PARD3: variants seen among roughly 807,000 people sequenced by gnomAD.
PARD3 encodes the protein par-3 family cell polarity regulator, also known as partitioning defective 3 homolog.
A neutral mutation model predicts 155.4 loss-of-function variants in PARD3; 75 were observed. The ratio of observed to expected loss-of-function variants is 0.48; its 90% CI spans 0.40 to 0.58. PARD3 has a LOEUF of 0.58. PARD3 is among the 20% of genes least tolerant of loss of function. The probability of loss-of-function intolerance (pLI) is 0.00; values close to 1 mark genes in which losing one functional copy is unlikely to be tolerated. For missense variants in PARD3, 1,642 were observed against 1,721.7 expected (o/e 0.95, Z 0.82); for synonymous variants, 576 against 610.5 (o/e 0.94, Z 0.83).
chr10:34,111,188 C>G lies in PARD3; in HGVS notation c.4043G>C (p.Gly1348Ala), dbSNP rs766738242. Residue 1348 changes from glycine (G) to alanine (A), a missense_variant, in exon 25 of 25, where the codon GGG (glycine) becomes GCG (alanine). Transcript: ENST00000374788. ...RLNRLQTPEK[G>A]RPFYS ...GCGTGCTCAGGAATAGAAGGGCCTCCCTTTCTCAGGAGTCTGAAGTCTGTT... is the reference window on the plus strand; with the variant it reads ...GCGTGCTCAGGAATAGAAGGGCCTCGCTTTCTCAGGAGTCTGAAGTCTGTT... The G allele has an allele frequency of 6.4e-7, 1 of 1,557,580 alleles. No homozygotes were observed. Among genetic ancestry groups the G allele is most frequent in the African/African-American group, 1.4e-5 (1 of 72,632 alleles).
chr10:34,770,379 G>A (rs889020258), intron 1 of PARD3, among the ~76,000 whole-genome samples: 1 of 152,126 alleles, frequency 6.6e-6, no homozygotes, highest in Non-Finnish European at 1.5e-5. Flanking sequence ...GACACCTCGA[G>A]CCCTCGGCTA....
chr10:34,215,783 T>A (rs12265365), intron 22 of PARD3, among the ~76,000 whole-genome samples: 1 of 152,198 alleles, frequency 6.6e-6, no homozygotes, highest in African/African-American at 2.4e-5. Context: ...AAATGAGTGC[T>A]TAGCAAAGAA....
intron 22 of PARD3, among the ~76,000 whole-genome samples, chr10:34,187,651 C>T (rs1015609464): frequency 1.3e-5 from 2 of 152,158 alleles, no homozygotes; most frequent in African/African-American, 4.8e-5. Flanking sequence ...ACACCTTAAC[C>T]TCCTTTCTGT....
chr10:34,459,881 C>G (rs12264066), intron 4 of PARD3, among the ~76,000 whole-genome samples: 1 of 152,090 alleles, frequency 6.6e-6, no homozygotes, highest in Non-Finnish European at 1.5e-5. Flanking sequence ...TGGATGGATG[C>G]GTAGAAGAAT....
chr10:34,218,617 A>C (rs1952123550), intron 22 of PARD3, among the ~76,000 whole-genome samples: 1 of 152,198 alleles, frequency 6.6e-6, no homozygotes. Flanking sequence ...GAGAAAAACA[A>C]ATTTTTTTTT....
At chr10:34,801,519 T>C (rs1169925201) in intron 1 of PARD3, among the ~76,000 whole-genome samples, 1 of 152,182 alleles carries the variant, frequency 6.6e-6, no homozygotes, top group Admixed American at 6.5e-5. Flanking sequence ...TCTGACTTCA[T>C]CGCACTGCCT....
At chr10:34,243,005 T>G (rs1056741605) in intron 22 of PARD3, among the ~76,000 whole-genome samples, 2 of 152,146 alleles carry the variant, frequency 1.3e-5, no homozygotes, top group Admixed American at 1.3e-4. Flanking sequence ...AAACAGAAAA[T>G]CCATTTGCAT....
At chr10:34,735,259 G>A (rs896104188) in intron 1 of PARD3, among the ~76,000 whole-genome samples, 48 of 152,232 alleles carry the variant, frequency 3.2e-4, no homozygotes, top group South Asian at 1.0e-3. Context: ...TAAGCTACTC[G>A]TAGCTTCCAT....
chr10:34,577,245 T>C (rs1344109076), intron 2 of PARD3, among the ~76,000 whole-genome samples: 1 of 152,192 alleles, frequency 6.6e-6, no homozygotes, highest in Non-Finnish European at 1.5e-5. Flanking sequence ...TCAGTGACTG[T>C]CCATTCATGT....
At position 34,530,763 on chromosome 10, in the gene PARD3, T is replaced by C. The variant is rs2082791487; in HGVS notation, c.223-13604A>G. 2.0e-5 allele frequency among the ~76,000 whole-genome samples: 3 copies of C among 152,212 alleles called. No homozygotes were observed. In the South Asian group the frequency reaches 6.2e-4, roughly 31 times the overall value. ...TCCAGACTTTCATAATAATGTTCTA[T>C]CAGTGGTCCCTTCCATAGTAACGAC... is the stretch of plus-strand genomic sequence containing the variant. On this transcript the variant is annotated intron_variant, in intron 2 of 24. Transcript: ENST00000374788.
intron 5 of PARD3, among the ~76,000 whole-genome samples, chr10:34,405,587 T>C (rs1419654913): frequency 6.6e-6 from 1 of 151,996 alleles, no homozygotes; most frequent in Admixed American, 6.6e-5. Flanking sequence ...CTTTGTGGGG[T>C]GGTGGTTGAA....
intron 20 of PARD3, among the ~76,000 whole-genome samples, chr10:34,314,576 T>C (rs905590533): frequency 2.0e-5 from 3 of 152,170 alleles, no homozygotes; most frequent in Admixed American, 6.5e-5. Flanking sequence ...TGGGGTGCTA[T>C]GTTGCTCTGC....
chr10:34,117,700 C>G (rs903970229), intron 24 of PARD3, among the ~76,000 whole-genome samples: 2 of 152,100 alleles, frequency 1.3e-5, no homozygotes, highest in East Asian at 1.9e-4. Context: ...TCACTTGAGG[C>G]CAGGGGTTCG....
chr10:34,523,173 C>T (rs536604530), intron 2 of PARD3, among the ~76,000 whole-genome samples: 82 of 152,226 alleles, frequency 5.4e-4, no homozygotes, highest in Non-Finnish European at 8.8e-4. Flanking sequence ...GATCAAAGAA[C>T]TTGCAGATTC....
chr10:34,323,526 T>C (rs932417934), intron 19 of PARD3, among the ~76,000 whole-genome samples: 1 of 152,182 alleles, frequency 6.6e-6, no homozygotes, highest in Admixed American at 6.5e-5. Flanking sequence ...AAAGTTCAAA[T>C]AGATGACTCC....
chr10:34,225,711 C>T (rs1952564404), intron 22 of PARD3, among the ~76,000 whole-genome samples: 3 of 152,086 alleles, frequency 2.0e-5, no homozygotes, highest in Admixed American at 1.3e-4. Context: ...GAGTTTCTTA[C>T]CTCATCTCAT....
At chr10:34,561,135 C>A (rs1033447418) in intron 2 of PARD3, among the ~76,000 whole-genome samples, 1 of 152,046 alleles carries the variant, frequency 6.6e-6, no homozygotes, top group Non-Finnish European at 1.5e-5. Flanking sequence ...ACGTGTGATG[C>A]AAATTATACC....
Position 34,134,026 on chromosome 10 carries a change from G to A in PARD3, c.3420-2443C>T, listed in dbSNP as rs184743111. On this transcript the variant is annotated intron_variant, in intron 22 of 24. Coordinates refer to ENST00000374788, the MANE Select transcript of PARD3 (RefSeq NM_001184785.2). ...TAAAGGTGAACAGGTCTGTAAATTG[G>A]GCTGCTTGACGACACAAGGCTTCAG... Among the ~76,000 whole-genome samples, 495 of 152,254 alleles carry A rather than the reference G, an allele frequency of 3.3e-3. 4 individuals carry two copies. Among genetic ancestry groups the A allele is most frequent in the African/African-American group, 0.011 (473 of 41,512 alleles).
chr10:34,451,287 C>T (rs181410933), intron 4 of PARD3, among the ~76,000 whole-genome samples: 4 of 152,162 alleles, frequency 2.6e-5, no homozygotes, highest in South Asian at 4.1e-4. Context: ...AGTTCAAAGA[C>T]GAAATCTAAA....
Sources: gnomAD v4.1 joint callset for allele counts (sites outside exome capture counted in the v4.1 genomes callset) on GRCh38, gnomAD v4.1.1 for gene constraint, MANE v1.5 for transcripts, NCBI Gene and HGNC (gene_info 2026-07-23, HGNC 2026-07-21) for gene names.